Variants in GRIP1 observed in about 807,000 individuals in gnomAD.
The protein encoded by GRIP1 is glutamate receptor interacting protein 1.
Under a neutral mutation model 129.9 loss-of-function variants are expected in GRIP1, and 45 were observed. The observed-to-expected ratio is 0.35, with a 90% CI of 0.27 to 0.44. The LOEUF (loss-of-function observed/expected upper bound fraction) is 0.44, where lower values mean the gene tolerates loss of function less well. Among genes scored for constraint, GRIP1 ranks in the 20% least tolerant of loss-of-function variants. The pLI is 1.00. For missense variants in GRIP1, 1,196 were observed against 1,396.8 expected (o/e 0.86, Z 2.29); for synonymous variants, 530 against 520.8 (o/e 1.02, Z -0.24).
At chr12:66,881,470 T>A (rs2040477376) in intron 1 of GRIP1, among the ~76,000 whole-genome samples, 1 of 152,216 alleles carries the variant, frequency 6.6e-6, no homozygotes, top group Non-Finnish European at 1.5e-5. Context: ...AGAGCTCTAC[T>A]TAACCCATTA....
At chr12:66,672,860 G>C (rs558221074) in intron 1 of GRIP1, among the ~76,000 whole-genome samples, 1 of 152,106 alleles carries the variant, frequency 6.6e-6, no homozygotes, top group African/African-American at 2.4e-5. Context: ...GTTTTCACAA[G>C]TAATTTTTAA....
chr12:66,466,027 G>C (rs1442839482), intron 7 of GRIP1, among the ~76,000 whole-genome samples: 3 of 152,222 alleles, frequency 2.0e-5, no homozygotes, highest in Non-Finnish European at 2.9e-5. Flanking sequence ...CTCTAGCCAA[G>C]TAGTAGGAAT....
At chr12:66,758,535 CA>C (rs2037371456) in intron 1 of GRIP1, among the ~76,000 whole-genome samples, 1 of 152,162 alleles carries the variant, frequency 6.6e-6, no homozygotes, top group Non-Finnish European at 1.5e-5. Flanking sequence ...GCTTTCCCAA[CA>C]GTCCTCCAAA....
intron 1 of GRIP1, among the ~76,000 whole-genome samples, chr12:67,006,335 CAGGAGGA>C (rs1397277367): frequency 6.6e-6 from 1 of 152,074 alleles, no homozygotes; most frequent in African/African-American, 2.4e-5. Context: ...GAGGCTGAGG[CAGGAGGA>C]TCACTTGAGC....
chr12:66,353,321 A>G, intron 24 of GRIP1, 96 bp downstream of exon 24: 2 of 877,238 alleles, frequency 2.3e-6, no homozygotes, highest in Middle Eastern at 4.7e-4. Context: ...GCTGAAAGGG[A>G]AAAGAGCAAA....
chr12:66,462,972 T>C lies in GRIP1; in HGVS notation c.994A>G (p.Ile332Val). 6.2e-7 allele frequency: 1 copy of C among 1,614,036 alleles called. No individual in the cohort carries two copies. Among genetic ancestry groups the C allele is most frequent in the Non-Finnish European group, 8.5e-7 (1 of 1,179,992 alleles). ...AGCCGGGTCTGATGATGGGGAAGGA[T>C]CTCAAGCTTGACCTGGTCAGTGGTG... is the stretch of plus-strand genomic sequence containing the variant. The part of the protein sequence containing the change: ...ANTTDQVKLE[I>V]LPHHQTRLAL... The change falls in exon 9 of 25, where the codon ATC becomes GTC. Residue 332 changes from isoleucine to valine, a missense_variant. Around this residue, in one of 5 missense-constraint regions of GRIP1, gnomAD observed 508 missense variants for 587.0 expected, o/e 0.87. Coordinates refer to ENST00000359742, the MANE Select transcript of GRIP1 (RefSeq NM_001366722.1).
intron 1 of GRIP1, among the ~76,000 whole-genome samples, chr12:66,630,045 T>C (rs1164876433): frequency 1.8e-5 from 2 of 108,650 alleles, no homozygotes; most frequent in African/African-American, 7.3e-5. Context: ...TACTAGGTAT[T>C]GAAGAGAATA....
At chr12:66,848,952 T>C (rs969171858) in intron 1 of GRIP1, among the ~76,000 whole-genome samples, 3 of 152,172 alleles carry the variant, frequency 2.0e-5, no homozygotes. Flanking sequence ...TGCAAGTCTC[T>C]GAAACTTTCT....
At chr12:66,542,004 C>A (rs2061796672) in intron 2 of GRIP1, 54 bp from the exon 3 acceptor site, 2 of 1,508,466 alleles carry the variant, frequency 1.3e-6, no homozygotes, top group Non-Finnish European at 1.8e-6. Context: ...TCACCAATGT[C>A]ATTTCTCCTC....
chr12:66,393,169 A>ATTTTTTTT (rs60982107), intron 17 of GRIP1, among the ~76,000 whole-genome samples: 2 of 78,844 alleles, frequency 2.5e-5, no homozygotes, highest in African/African-American at 5.4e-5. Context: ...CTTTCTACAG[A>ATTTTTTTT]TTTTTTTTTT....
At chr12:66,552,292 C>T (rs376029451) in intron 2 of GRIP1, among the ~76,000 whole-genome samples, 2 of 152,172 alleles carry the variant, frequency 1.3e-5, no homozygotes, top group Non-Finnish European at 2.9e-5. Context: ...TGGCCTTTTT[C>T]TTCCATGAAT....
intron 1 of GRIP1, among the ~76,000 whole-genome samples, chr12:66,928,881 C>T (rs1222938545): frequency 1.3e-5 from 2 of 152,180 alleles, no homozygotes; most frequent in Non-Finnish European, 1.5e-5. Flanking sequence ...TCTGGGTTGA[C>T]GTTTACTGGG....
In GRIP1 at chr12:66,710,423, C is replaced by T. The variant is rs555333036; in HGVS notation, c.-419-80087G>A. On this transcript the variant is annotated intron_variant, in intron 1 of 4. Coordinates refer to the GRIP1 transcript ENST00000538373. ...TTTTTATGGGAAACAAGCAGGTCAG[C>T]CATTGTGCTTCTTTCACATCTTGAA... Among the ~76,000 whole-genome samples, 284 of 152,040 alleles carry T rather than the reference C, an allele frequency of 1.9e-3. 1 individual carries two copies. Among genetic ancestry groups the T allele is most frequent in the African/African-American group, 6.4e-3 (267 of 41,506 alleles).
intron 1 of GRIP1, among the ~76,000 whole-genome samples, chr12:66,875,986 A>G (rs1270377124): frequency 6.6e-6 from 1 of 152,052 alleles, no homozygotes; most frequent in Non-Finnish European, 1.5e-5. Flanking sequence ...CCAATGTAAA[A>G]AGGATTTTAT....
intron 1 of GRIP1, among the ~76,000 whole-genome samples, chr12:67,027,285 A>C (rs2042954008): frequency 6.6e-6 from 1 of 152,222 alleles, no homozygotes; most frequent in African/African-American, 2.4e-5. Context: ...TGGCACCCAC[A>C]CTGAGAGCAA....
chr12:66,917,330 G>A (rs1408190628), intron 1 of GRIP1, among the ~76,000 whole-genome samples: 1 of 152,104 alleles, frequency 6.6e-6, no homozygotes, highest in Non-Finnish European at 1.5e-5. Flanking sequence ...TTCAAATACA[G>A]TCCATCTTAC....
At chr12:66,695,727 C>G (rs1306363192) in intron 1 of GRIP1, among the ~76,000 whole-genome samples, 2 of 152,208 alleles carry the variant, frequency 1.3e-5, no homozygotes, top group Non-Finnish European at 2.9e-5. Flanking sequence ...AAAAATATCA[C>G]TTAATGAATA....
At chr12:66,657,314 C>T (rs2033223268) in intron 1 of GRIP1, among the ~76,000 whole-genome samples, 1 of 152,152 alleles carries the variant, frequency 6.6e-6, no homozygotes, top group Non-Finnish European at 1.5e-5. Context: ...CATTCGCCGC[C>T]ACACCACTGC....
intron 1 of GRIP1, among the ~76,000 whole-genome samples, chr12:66,925,691 C>T (rs2041285094): frequency 6.6e-6 from 1 of 152,120 alleles, no homozygotes; most frequent in South Asian, 2.1e-4. Context: ...GTTTCCCAGG[C>T]TGGAGTGCAA....
Sources: allele counts gnomAD v4.1 joint callset (sites outside exome capture counted in the v4.1 genomes callset), GRCh38; gene constraint gnomAD v4.1.1; regional missense constraint gnomAD v4.1.1; transcripts MANE v1.5; gene names NCBI Gene and HGNC (gene_info 2026-07-23, HGNC 2026-07-21).